SEZ6: variants seen among roughly 807,000 people sequenced by gnomAD.
The protein encoded by SEZ6 is seizure protein 6 homolog.
Under a neutral mutation model 101.0 loss-of-function variants are expected in SEZ6, and 53 were observed. That is an observed-to-expected ratio of 0.52 (90% CI 0.42 to 0.66). The LOEUF is 0.66. SEZ6 is among the 30% of genes least tolerant of loss of function. The probability of loss-of-function intolerance (pLI) is 0.00; values close to 1 mark genes in which losing one functional copy is unlikely to be tolerated. For synonymous variants in SEZ6, 488 were observed against 512.2 expected, an observed-to-expected ratio of 0.95 and a Z score of 0.64; for missense variants, 1,102 against 1,289.4, an observed-to-expected ratio of 0.85 and a Z score of 2.23.
chr17:28,969,895 G>GC lies in SEZ6; in HGVS notation c.915dup (p.Pro306AlafsTer2), dbSNP rs766332422. 9.1e-6 allele frequency: 14 copies of GC among 1,544,024 alleles called. No individual in the cohort carries two copies. The highest frequency in any genetic ancestry group is 8.9e-5 in the Admixed American group (4 of 45,056). ...TGGTTGGCCAGGGGCAGTGGGTCAG[G>GC]CCCCCCCAGGCCTTCCACAGTCACT... On this transcript the variant is annotated frameshift_variant, in exon 4 of 17. Transcript: ENST00000317338. LOFTEE classifies it high-confidence loss of function.
rs1164227991 is a variant in SEZ6 at position 28,960,647 on chromosome 17, G to A, written c.1434C>T (p.Asn478=). Residue 478 remains asparagine (N), a synonymous_variant, in exon 7 of 17, where the codon AAC becomes AAT. Transcript: ENST00000317338. ...AATCATACACTGGTGGGGCCTCCAC[G>A]TTGTCCCCATTGCGAATGATGAGCC... is the stretch of plus-strand genomic sequence containing the variant. ...DDRLIIRNGD[N]VEAPPVYDSY... is the part of the protein sequence containing the mutation. 7 of 1,602,020 alleles carry A rather than the reference G, an allele frequency of 4.4e-6. No individual in the cohort carries two copies. Among genetic ancestry groups the A allele is most frequent in the Non-Finnish European group, 6.0e-6 (7 of 1,174,504 alleles).
chr17:28,977,778 C>G (rs988301313), intron 3 of SEZ6, among the ~76,000 whole-genome samples: 7 of 152,230 alleles, frequency 4.6e-5, no homozygotes, highest in African/African-American at 7.2e-5. Context: ...CCTCCCACCC[C>G]CTTTCCCACA....
chr17:29,002,290 G>A (rs781121527), intron 1 of SEZ6, among the ~76,000 whole-genome samples: 9 of 152,110 alleles, frequency 5.9e-5, no homozygotes, highest in Admixed American at 3.3e-4. Flanking sequence ...AAGGAAGCAG[G>A]CTTTCTGATA....
intron 1 of SEZ6, among the ~76,000 whole-genome samples, chr17:28,996,691 A>G (rs1333701583): frequency 2.0e-5 from 3 of 152,120 alleles, no homozygotes; most frequent in South Asian, 4.1e-4. Context: ...CAGACACTCA[A>G]GGACAGGTGA....
intron 1 of SEZ6, among the ~76,000 whole-genome samples, chr17:28,998,339 G>C (rs1039691958): frequency 6.6e-6 from 1 of 151,954 alleles, no homozygotes; most frequent in Non-Finnish European, 1.5e-5. Flanking sequence ...AGAAGAGCCT[G>C]TTGAGAGGGG....
chr17:28,964,822 C>T (rs949698304), intron 4 of SEZ6, among the ~76,000 whole-genome samples: 3 of 151,974 alleles, frequency 2.0e-5, no homozygotes, highest in Admixed American at 6.6e-5. Flanking sequence ...TTTGGGAGGC[C>T]GAGGTGGGCG....
rs1218072501 is a variant in SEZ6, at chr17:29,005,828, C to A, written c.42G>T (p.Ala14=). 6.7e-7 allele frequency: 1 copy of A among 1,485,622 alleles called. No individual in the cohort carries two copies. Among genetic ancestry groups the A allele is most frequent in the Non-Finnish European group, 8.9e-7 (1 of 1,118,222 alleles). 92.0% of individuals were successfully genotyped at this position (1,485,622 alleles called of 1,614,324 possible). A position where few individuals can be genotyped will look rare whatever the true frequency, so the allele number is the denominator to read the frequency against. ...GGGGTCCCTTACCGTGAGCCAGGAG[C>A]GCCAGCAGCGAGGGCAGGAGCAGCA... The part of the protein sequence containing the change: ...VALLLLPSLL[A]LLAHGLSLEA... The change falls in exon 1 of 17, where the codon GCG becomes GCT. Residue 14 remains alanine (A), a synonymous_variant. Coordinates refer to ENST00000317338, the MANE Select transcript of SEZ6 (RefSeq NM_178860.5). This position sits in a 1 kb window ranked among gnomAD's most constrained non-coding sequence, Gnocchi z 4.8.
In SEZ6 at chr17:28,959,338, G is replaced by A. The variant is rs752747997; in HGVS notation, c.1906C>T (p.Arg636Ter). The A allele has an allele frequency of 1.9e-6, 3 of 1,613,944 alleles. No homozygotes were observed. Among genetic ancestry groups the A allele is most frequent in the Admixed American group, 3.3e-5 (2 of 60,020 alleles). The stretch of plus-strand genomic sequence containing the variant: ...CCTGACCCGGTAGGCACTCACACTC[G>A]GATGTCCAGCATGATGCGCTTGTCC... ...EEDKRIMLDI[R>*]VLRIGPGDVL... Residue 636 changes from arginine to a stop codon, truncating the protein, a stop_gained, in exon 9 of 17, where the codon CGA becomes TGA. Transcript: ENST00000317338. LOFTEE classifies it high-confidence loss of function. This position sits in a 1 kb window ranked among gnomAD's most constrained non-coding sequence, Gnocchi z 4.4.
At chr17:28,980,006 CT>C (rs80050742) in intron 2 of SEZ6, among the ~76,000 whole-genome samples, 193 bp from the exon 3 acceptor site, 575 of 137,906 alleles carry the variant, frequency 4.2e-3, no homozygotes, top group Middle Eastern at 7.6e-3. Context: ...CATGTGCAAT[CT>C]TTTTTTTTTT....
intron 5 of SEZ6, among the ~76,000 whole-genome samples, chr17:28,962,592 A>G (rs1370510344): frequency 6.6e-6 from 1 of 151,698 alleles, no homozygotes; most frequent in Admixed American, 6.6e-5. Context: ...CAGACTGGCC[A>G]ACATGGTGAA....
chr17:28,981,278 G>A, intron 2 of SEZ6, 93 bp downstream of exon 2: 1 of 1,461,670 alleles, frequency 6.8e-7, no homozygotes, highest in East Asian at 2.5e-5. Context: ...CAAAGGGCAG[G>A]GCAGGCTGGC....
Position 28,960,815 on chromosome 17 carries a change from C to T in SEZ6, c.1399G>A (p.Asp467Asn), listed in dbSNP as rs2040965772. The T allele has an allele frequency of 6.2e-7, 1 of 1,613,820 alleles. No homozygotes were observed. Among genetic ancestry groups the T allele is most frequent in the Non-Finnish European group, 8.5e-7 (1 of 1,179,862 alleles). ...LHFEKVSLAE[D>N]DDRLIIRNGD... is the part of the protein sequence containing the mutation. ...AGGACAGCCCCTCACCTGTCATCAT[C>T]CTCTGCCAGGGAAACCTTCTCAAAG... The change falls in exon 6 of 17, where the codon GAT (aspartate) becomes AAT (asparagine). Residue 467 changes from aspartate (D) to asparagine (N), a missense_variant. Asp to Asn is a conservative substitution (Grantham distance 23). Coordinates refer to ENST00000317338, the MANE Select transcript of SEZ6 (RefSeq NM_178860.5).
chr17:29,001,980 G>T (rs907303711), intron 1 of SEZ6, among the ~76,000 whole-genome samples: 1 of 152,214 alleles, frequency 6.6e-6, no homozygotes, highest in Admixed American at 6.5e-5. Flanking sequence ...GAGGACAGGG[G>T]TATATGTGAG....
intron 2 of SEZ6, among the ~76,000 whole-genome samples, chr17:28,980,606 G>A (rs2041286875): frequency 1.3e-5 from 2 of 151,828 alleles, no homozygotes; most frequent in East Asian, 1.9e-4. Flanking sequence ...TCCTGACCTC[G>A]TTCCACACGC....
intron 4 of SEZ6, among the ~76,000 whole-genome samples, chr17:28,968,245 A>G (rs1299178907): frequency 6.6e-6 from 1 of 152,182 alleles, no homozygotes; most frequent in Non-Finnish European, 1.5e-5. Context: ...TAATTAGGGG[A>G]ATTACACTCA....
At chr17:28,966,611 G>A (rs962731498) in intron 4 of SEZ6, among the ~76,000 whole-genome samples, 18 of 152,310 alleles carry the variant, frequency 1.2e-4, no homozygotes, top group African/African-American at 4.3e-4. Context: ...AGTGAGGACT[G>A]TCTAGACTGA....
chr17:28,976,006 A>C (rs1449789067), intron 3 of SEZ6, among the ~76,000 whole-genome samples: 2 of 152,196 alleles, frequency 1.3e-5, no homozygotes, highest in African/African-American at 4.8e-5. Context: ...ATGGGCTGTG[A>C]GGCTCATGCC....
intron 1 of SEZ6, among the ~76,000 whole-genome samples, chr17:28,995,048 A>C (rs1598211553): frequency 6.6e-6 from 1 of 150,740 alleles, no homozygotes. Context: ...AATTTTTTGT[A>C]TTTTGTAGTA....
At chr17:28,991,101 C>T (rs958151467) in intron 1 of SEZ6, among the ~76,000 whole-genome samples, 16 of 152,098 alleles carry the variant, frequency 1.1e-4, no homozygotes, top group South Asian at 8.3e-4. Context: ...GATGAGGTTT[C>T]GCTGTGTTGG....
Sources: allele counts gnomAD v4.1 joint callset (sites outside exome capture counted in the v4.1 genomes callset), GRCh38; gene constraint gnomAD v4.1.1; non-coding constraint Gnocchi (gnomAD v3.1); transcripts MANE v1.5; gene names NCBI Gene and HGNC (gene_info 2026-07-23, HGNC 2026-07-21).